The following PAN3 variants were observed in gnomAD, a reference collection of about 807,000 sequenced individuals.
PAN3 encodes the protein PAN2-PAN3 deadenylation complex subunit PAN3.
In PAN3, 19 loss-of-function variants were observed where a neutral mutation model predicts 96.2. The observed-to-expected ratio is 0.20, with a 90% CI of 0.14 to 0.29. The LOEUF (loss-of-function observed/expected upper bound fraction) is 0.29. Among genes scored for constraint, PAN3 ranks in the 10% least tolerant of loss-of-function variants. The pLI is 1.00. For synonymous variants in PAN3, 433 were observed against 406.6 expected, an observed-to-expected ratio of 1.06 and a Z score of -0.78; for missense variants, 882 against 1,108.1, an observed-to-expected ratio of 0.80 and a Z score of 2.90.
chr13:28,171,074 G>T (rs970636548), intron 1 of PAN3, among the ~76,000 whole-genome samples: 12 of 152,198 alleles, frequency 7.9e-5, no homozygotes, highest in African/African-American at 2.9e-4. Context: ...GGGATTACAG[G>T]TGTGAGCCAC....
chr13:28,174,804 A>G (rs1441489215), intron 2 of PAN3, among the ~76,000 whole-genome samples: 3 of 152,194 alleles, frequency 2.0e-5, no homozygotes, highest in South Asian at 2.1e-4. Flanking sequence ...AGAGTTAGCT[A>G]TCATTACTGG....
chr13:28,201,317 T>C (rs1253682774), intron 5 of PAN3, among the ~76,000 whole-genome samples: 1 of 152,048 alleles, frequency 6.6e-6, no homozygotes, highest in Non-Finnish European at 1.5e-5. Context: ...GTGTTGGGAT[T>C]ACAGGTGTGA....
chr13:28,292,320 A>G, intron 18 of PAN3, 62 bp from the exon 19 acceptor site: 3 of 1,457,394 alleles, frequency 2.1e-6, no homozygotes, highest in South Asian at 1.5e-5. Flanking sequence ...TTTTGCTGCA[A>G]ACGTAGATAA....
At chr13:28,279,936 A>G (rs1887329136) in intron 15 of PAN3, among the ~76,000 whole-genome samples, 2 of 151,368 alleles carry the variant, frequency 1.3e-5, no homozygotes, top group Admixed American at 1.3e-4. Flanking sequence ...AGTAGCTGGG[A>G]CTACAGGTGC....
At position 28,280,557 on chromosome 13, in the gene PAN3, T is replaced by TA. The variant is rs750386374; in HGVS notation, c.2319+16_2319+17insA. The TA allele has an allele frequency of 2.2e-5, 18 of 835,686 alleles. No individual in the cohort carries two copies. The South Asian group carries it at 4.1e-4, about 19-fold the overall frequency. 51.8% of individuals were successfully genotyped at this position (835,686 alleles called of 1,614,324 possible). ...CCTTGCAAAGGTAAAGAGTGTAAAT[T>TA]TTTTTTTTTTTTTTTTTTTTTTGAG... is the stretch of plus-strand genomic sequence containing the variant. On this transcript the variant is annotated intron_variant, in intron 16 of 18. Coordinates refer to ENST00000380958, the MANE Select transcript of PAN3 (RefSeq NM_175854.8).
chr13:28,159,291 G>A (rs946152666), intron 1 of PAN3, among the ~76,000 whole-genome samples: 2 of 152,140 alleles, frequency 1.3e-5, no homozygotes, highest in Non-Finnish European at 1.5e-5. Flanking sequence ...ACAGGATAAT[G>A]TCCTTTGCAG....
chr13:28,211,585 C>G lies in PAN3; in HGVS notation c.853-8646C>G, dbSNP rs1015798936. The stretch of plus-strand genomic sequence containing the variant: ...TTGAAATGGTATTTGTAGATCGCCT[C>G]TCTCCTAGTGGGTGTTTAATCTAAC... On this transcript the variant is annotated intron_variant, in intron 5 of 18. Coordinates refer to ENST00000380958, the MANE Select transcript of PAN3 (RefSeq NM_175854.8). Among the ~76,000 whole-genome samples, 11 of 152,238 alleles carry G rather than the reference C, an allele frequency of 7.2e-5. No individual in the cohort carries two copies. In the East Asian group the frequency reaches 1.9e-3, roughly 27 times the overall value.
In PAN3 at chr13:28,294,468, T is replaced by TGG. The variant is rs1176013760; in HGVS notation, c.*1947_*1948dup. The TGG allele has an allele frequency of 6.6e-6, 1 of 152,648 alleles. No individual in the cohort carries two copies. The highest frequency in any genetic ancestry group is 2.4e-5 in the African/African-American group (1 of 41,464). 9.5% of individuals were successfully genotyped at this position (152,648 alleles called of 1,614,324 possible). ...TGAAATGCTTAATTTATAAGCGGGC[T>TGG]GGAGATTTTTTCCAATATTGTTTTC... On this transcript the variant is annotated 3_prime_UTR_variant, in exon 19 of 19. Transcript: ENST00000380958.
intron 5 of PAN3, among the ~76,000 whole-genome samples, chr13:28,204,218 G>A (rs1879089907): frequency 6.6e-6 from 1 of 152,162 alleles, no homozygotes. Flanking sequence ...TCACCTAAGT[G>A]CAAATTCACT....
At chr13:28,229,487 A>T (rs1006098074) in intron 6 of PAN3, among the ~76,000 whole-genome samples, 4 of 152,222 alleles carry the variant, frequency 2.6e-5, no homozygotes, top group Admixed American at 2.6e-4. Flanking sequence ...TTGAACCAGA[A>T]TACACTGACT....
chr13:28,214,668 G>T (rs1431905394), intron 5 of PAN3: 1 of 445,470 alleles, frequency 2.2e-6, no homozygotes, highest in Non-Finnish European at 4.1e-6. Flanking sequence ...ATGGGAAAGG[G>T]CTCCTTCAAG....
At chr13:28,156,007 A>G (rs1025229935) in intron 1 of PAN3, among the ~76,000 whole-genome samples, 1 of 152,198 alleles carries the variant, frequency 6.6e-6, no homozygotes, top group Non-Finnish European at 1.5e-5. Flanking sequence ...AAGTGATATG[A>G]TAAGATCTGT....
At position 28,214,980 on chromosome 13, in the gene PAN3, G is replaced by T. The variant is rs34431368; in HGVS notation, c.853-5251G>T. ...ACTAATTGTTGGTGTTAACAAAATG[G>T]ATTCCACTGAGCCAACTTACAGCCA... On this transcript the variant is annotated intron_variant, in intron 5 of 18. Transcript: ENST00000380958. The T allele has an allele frequency of 7.9e-3, 10,698 of 1,361,480 alleles. 69 individuals carry two copies. Among genetic ancestry groups the T allele is most frequent in the Non-Finnish European group, 9.1e-3 (8,794 of 968,888 alleles). 84.3% of individuals were successfully genotyped at this position (1,361,480 alleles called of 1,614,324 possible).
chr13:28,282,057 T>C (rs1339893955), intron 17 of PAN3, among the ~76,000 whole-genome samples: 1 of 152,226 alleles, frequency 6.6e-6, no homozygotes, highest in Admixed American at 6.5e-5. Flanking sequence ...ATTACAGGCA[T>C]GAGCCACCAC....
intron 6 of PAN3, among the ~76,000 whole-genome samples, chr13:28,222,900 C>T (rs1881554597): frequency 6.6e-6 from 1 of 152,092 alleles, no homozygotes. Flanking sequence ...AATACTTTGA[C>T]ACTTATGTAA....
intron 1 of PAN3, among the ~76,000 whole-genome samples, chr13:28,146,914 G>T (rs565456038): frequency 4.4e-4 from 67 of 152,096 alleles, no homozygotes; most frequent in African/African-American, 1.5e-3. Flanking sequence ...GGCAGAGGTT[G>T]CAGGGTTGCA....
intron 12 of PAN3, 40 bp downstream of exon 12, chr13:28,267,441 C>A: frequency 2.0e-6 from 3 of 1,499,130 alleles, no homozygotes; most frequent in Non-Finnish European, 1.9e-6. Flanking sequence ...TTGACTAATG[C>A]TTTTGCTCTG....
chr13:28,240,332 T>C (rs1883541160), intron 6 of PAN3, among the ~76,000 whole-genome samples: 1 of 152,180 alleles, frequency 6.6e-6, no homozygotes, highest in African/African-American at 2.4e-5. Context: ...TGGGCCATAA[T>C]TATACAGGGA....
At chr13:28,161,553 A>AC (rs992290555) in intron 1 of PAN3, among the ~76,000 whole-genome samples, 1 of 152,288 alleles carries the variant, frequency 6.6e-6, no homozygotes, top group Non-Finnish European at 1.5e-5. Context: ...ATTCCAAGGT[A>AC]CAGGGGATTA....
Sources: gnomAD v4.1 joint callset for allele counts (sites outside exome capture counted in the v4.1 genomes callset) on GRCh38, gnomAD v4.1.1 for gene constraint, MANE v1.5 for transcripts, NCBI Gene and HGNC (gene_info 2026-07-23, HGNC 2026-07-21) for gene names.